The following SYNDIG1 variants were observed in gnomAD, a reference collection of about 807,000 sequenced individuals.
SYNDIG1 encodes synapse differentiation inducing 1, also known as synapse differentiation-inducing gene protein 1.
Under a neutral mutation model 19.4 loss-of-function variants are expected in SYNDIG1, and 9 were observed. The observed-to-expected ratio is 0.46, with a 90% CI of 0.28 to 0.81. The LOEUF (loss-of-function observed/expected upper bound fraction) is 0.81. SYNDIG1 is among the 30% of genes least tolerant of loss of function. SYNDIG1 has a pLI of 0.12. For synonymous variants in SYNDIG1, 141 were observed against 145.9 expected, an observed-to-expected ratio of 0.97 and a Z score of 0.24; for missense variants, 311 against 343.3, an observed-to-expected ratio of 0.91 and a Z score of 0.74.
intron 3 of SYNDIG1, among the ~76,000 whole-genome samples, chr20:24,596,497 G>A (rs761396071): frequency 4.6e-5 from 7 of 152,008 alleles, no homozygotes; most frequent in Non-Finnish European, 1.5e-5. Flanking sequence ...TACTGCCTGA[G>A]CCTCCCAAGT....
chr20:24,635,127 T>C (rs2059302738), intron 3 of SYNDIG1, among the ~76,000 whole-genome samples: 1 of 151,976 alleles, frequency 6.6e-6, no homozygotes, highest in Non-Finnish European at 1.5e-5. Flanking sequence ...CTCCAAGACT[T>C]GGGAAGGAAA....
At chr20:24,478,179 G>A (rs568396725) in intron 1 of SYNDIG1, among the ~76,000 whole-genome samples, 1 of 152,260 alleles carries the variant, frequency 6.6e-6, no homozygotes, top group Non-Finnish European at 1.5e-5. Flanking sequence ...GATTAAAGCT[G>A]GCAGGGCCTG....
At chr20:24,608,116 C>G (rs1161403418) in intron 3 of SYNDIG1, among the ~76,000 whole-genome samples, 1 of 151,970 alleles carries the variant, frequency 6.6e-6, no homozygotes, top group Non-Finnish European at 1.5e-5. Flanking sequence ...AAGATATGAT[C>G]TATCAATGCT....
At chr20:24,585,670 C>T (rs984957225) in intron 3 of SYNDIG1, among the ~76,000 whole-genome samples, 16 of 152,218 alleles carry the variant, frequency 1.1e-4, no homozygotes, top group African/African-American at 3.6e-4. Flanking sequence ...TCAGAGTACT[C>T]ATTCAGAAAT....
At chr20:24,579,053 A>G (rs1005161217) in intron 2 of SYNDIG1, among the ~76,000 whole-genome samples, 5 of 152,234 alleles carry the variant, frequency 3.3e-5, no homozygotes, top group Admixed American at 1.3e-4. Flanking sequence ...TATAAATGTT[A>G]TAGATTAAAC....
intron 1 of SYNDIG1, among the ~76,000 whole-genome samples, chr20:24,509,280 G>A (rs1260512701): frequency 6.6e-6 from 1 of 152,164 alleles, no homozygotes; most frequent in Non-Finnish European, 1.5e-5. Context: ...TCTCTGAACT[G>A]TTTTTCTTTT....
At chr20:24,524,076 T>C (rs1600517249) in intron 1 of SYNDIG1, among the ~76,000 whole-genome samples, 1 of 152,348 alleles carries the variant, frequency 6.6e-6, no homozygotes, top group African/African-American at 2.4e-5. Flanking sequence ...ATATTTATTG[T>C]CATCCTTGTT....
At chr20:24,637,331 G>T (rs908737153) in intron 3 of SYNDIG1, among the ~76,000 whole-genome samples, 1 of 152,160 alleles carries the variant, frequency 6.6e-6, no homozygotes, top group Non-Finnish European at 1.5e-5. Context: ...TCCCTTCAGA[G>T]CTACATTTTC....
intron 3 of SYNDIG1, among the ~76,000 whole-genome samples, chr20:24,615,506 G>T (rs1024822958): frequency 6.6e-6 from 1 of 152,116 alleles, no homozygotes; most frequent in African/African-American, 2.4e-5. Flanking sequence ...AGGGCTTTGC[G>T]GGAGCCTGGG....
At chr20:24,664,611 C>T (rs904270534) in intron 3 of SYNDIG1, among the ~76,000 whole-genome samples, 1 of 152,050 alleles carries the variant, frequency 6.6e-6, no homozygotes, top group Non-Finnish European at 1.5e-5. Context: ...CCTCGTGACC[C>T]CAAGAATCAT....
chr20:24,652,421 C>T (rs1412660691), intron 3 of SYNDIG1, among the ~76,000 whole-genome samples: 2 of 152,154 alleles, frequency 1.3e-5, no homozygotes, highest in African/African-American at 4.8e-5. Context: ...TGAGCTCCTC[C>T]ACCATAACCT....
chr20:24,498,363 A>C (rs1345803489), intron 1 of SYNDIG1, among the ~76,000 whole-genome samples: 2 of 152,232 alleles, frequency 1.3e-5, no homozygotes, highest in African/African-American at 4.8e-5. Context: ...AGTGTATATT[A>C]TATAGTGTAT....
intron 1 of SYNDIG1, among the ~76,000 whole-genome samples, chr20:24,515,776 T>C (rs1277034042): frequency 2.0e-5 from 3 of 151,894 alleles, no homozygotes; most frequent in Non-Finnish European, 4.4e-5. Context: ...AGGTAATTTA[T>C]AGATTCAATG....
chr20:24,479,440 A>T (rs2055732912), intron 1 of SYNDIG1, among the ~76,000 whole-genome samples: 1 of 152,076 alleles, frequency 6.6e-6, no homozygotes, highest in African/African-American at 2.4e-5. Flanking sequence ...ACCCAAGGCC[A>T]TCTCTGGGAT....
Position 24,584,864 on chromosome 20 carries a change from C to T in SYNDIG1, c.489C>T (p.Tyr163=), listed in dbSNP as rs1388996936. Residue 163 remains tyrosine (Y), a synonymous_variant, in exon 3 of 4, where the codon TAC becomes TAT. Transcript: ENST00000376862. ...EEEFQELESD[Y]SSDTESEDNF... ...CTGGTTCTCTCTTGCAGAGCGACTA[C>T]TCAAGCGACACAGAGAGTGAGGACA... 6.2e-7 allele frequency: 1 copy of T among 1,614,072 alleles called. No homozygotes were observed. The highest frequency in any genetic ancestry group is 1.3e-5 in the African/African-American group (1 of 74,932).
chr20:24,586,518 G>A (rs933221491), intron 3 of SYNDIG1, among the ~76,000 whole-genome samples: 2 of 152,218 alleles, frequency 1.3e-5, no homozygotes, highest in African/African-American at 2.4e-5. Flanking sequence ...CCCATGGTGG[G>A]CAGAGCCTGC....
At chr20:24,629,345 A>T (rs1385172379) in intron 3 of SYNDIG1, among the ~76,000 whole-genome samples, 1 of 152,160 alleles carries the variant, frequency 6.6e-6, no homozygotes, top group African/African-American at 2.4e-5. Context: ...GTGTCTTAGG[A>T]TGGAGGAAAG....
intron 1 of SYNDIG1, among the ~76,000 whole-genome samples, chr20:24,505,767 G>T (rs575000725): frequency 6.6e-6 from 1 of 152,178 alleles, no homozygotes; most frequent in Admixed American, 6.5e-5. Context: ...TCAGAAATCC[G>T]AATATAGAAA....
intron 3 of SYNDIG1, among the ~76,000 whole-genome samples, chr20:24,635,095 C>T (rs1248611962): frequency 6.6e-6 from 1 of 152,216 alleles, no homozygotes; most frequent in Admixed American, 6.5e-5. Flanking sequence ...TCTGCCCACT[C>T]CTCACCCTGC....
Sources: gnomAD v4.1 joint callset for allele counts (sites outside exome capture counted in the v4.1 genomes callset) on GRCh38, gnomAD v4.1.1 for gene constraint, MANE v1.5 for transcripts, NCBI Gene and HGNC (gene_info 2026-07-23, HGNC 2026-07-21) for gene names.